TMEM163: variants seen among roughly 807,000 people sequenced by gnomAD.
TMEM163 encodes the protein transmembrane protein 163.
A neutral mutation model predicts 29.3 loss-of-function variants in TMEM163; 17 were observed. That is an observed-to-expected ratio of 0.58 (90% CI 0.40 to 0.87). The LOEUF (loss-of-function observed/expected upper bound fraction) is 0.87, where lower values mean the gene tolerates loss of function less well. TMEM163 is among the 40% of genes least tolerant of loss of function. The probability of loss-of-function intolerance (pLI) is 0.00; values close to 1 mark genes in which losing one functional copy is unlikely to be tolerated. For missense variants in TMEM163, 303 were observed against 381.5 expected, an observed-to-expected ratio of 0.79 and a Z score of 1.71; for synonymous variants, 157 against 160.6, an observed-to-expected ratio of 0.98 and a Z score of 0.17.
chr2:134,614,318 T>C (rs1295478878), intron 2 of TMEM163, among the ~76,000 whole-genome samples: 1 of 152,066 alleles, frequency 6.6e-6, no homozygotes, highest in East Asian at 1.9e-4. Context: ...TAAAATTAAA[T>C]CAAAATGAAA....
At chr2:134,524,842 A>C (rs1680259284) in intron 4 of TMEM163, among the ~76,000 whole-genome samples, 2 of 150,216 alleles carry the variant, frequency 1.3e-5, no homozygotes, top group African/African-American at 4.9e-5. Context: ...ACATGCATGT[A>C]TGTTTATAAT....
At chr2:134,494,947 T>A (rs1679514926) in intron 5 of TMEM163, among the ~76,000 whole-genome samples, 1 of 152,158 alleles carries the variant, frequency 6.6e-6, no homozygotes. Context: ...GCAGCAATCC[T>A]GGGAAACCAT....
chr2:134,481,599 A>G (rs1679185324), intron 5 of TMEM163, among the ~76,000 whole-genome samples: 1 of 152,134 alleles, frequency 6.6e-6, no homozygotes, highest in African/African-American at 2.4e-5. Context: ...AGTCTCCGGT[A>G]TGTCTTTATC....
At chr2:134,538,209 A>C (rs1680582784) in intron 4 of TMEM163, among the ~76,000 whole-genome samples, 1 of 152,154 alleles carries the variant, frequency 6.6e-6, no homozygotes, top group Non-Finnish European at 1.5e-5. Context: ...AGCCCTCATG[A>C]ATGGGATTAG....
intron 2 of TMEM163, among the ~76,000 whole-genome samples, chr2:134,568,637 A>C (rs1681353670): frequency 6.6e-6 from 1 of 151,770 alleles, no homozygotes; most frequent in African/African-American, 2.4e-5. Context: ...AGAAAGAAGA[A>C]AAAGAAAAGG....
At position 134,717,951 on chromosome 2, in the gene TMEM163, G is replaced by A. The variant is rs560031851; in HGVS notation, c.202+783C>T. Among the ~76,000 whole-genome samples, 6 of 152,300 alleles carry A rather than the reference G, an allele frequency of 3.9e-5. No individual in the cohort carries two copies. In the South Asian group the frequency reaches 1.0e-3, roughly 26 times the overall value. On this transcript the variant is annotated intron_variant, in intron 1 of 7. Coordinates refer to ENST00000281924, the MANE Select transcript of TMEM163 (RefSeq NM_030923.5). Reference sequence around the variant, plus strand: ...AGGGGGCATCGGCAGTCGGTGGGAGGCAGAGTGTGGTCTCCCAGCAGAGGC... The same window carrying A: ...AGGGGGCATCGGCAGTCGGTGGGAGACAGAGTGTGGTCTCCCAGCAGAGGC...
intron 2 of TMEM163, among the ~76,000 whole-genome samples, chr2:134,677,367 AG>A (rs746472781): frequency 2.0e-5 from 3 of 152,220 alleles, no homozygotes; most frequent in Non-Finnish European, 4.4e-5. Flanking sequence ...TACAGAAAAA[AG>A]CTTATGCAAT....
intron 2 of TMEM163, among the ~76,000 whole-genome samples, chr2:134,576,176 A>T (rs1198430146): frequency 6.6e-6 from 1 of 152,082 alleles, no homozygotes; most frequent in African/African-American, 2.4e-5. Context: ...GATACAGAGG[A>T]AGAATTGAGG....
At position 134,472,593 on chromosome 2, in the gene TMEM163, GA is replaced by G. The variant is rs537805982; in HGVS notation, c.556-6369del. On this transcript the variant is annotated intron_variant, in intron 5 of 7. Coordinates refer to ENST00000281924, the MANE Select transcript of TMEM163 (RefSeq NM_030923.5). ...CTTTGAGCAAGCCACCCACTTATGT[GA>G]ATTTATCTTACTGCTATACCTGTAC... 6.8e-4 allele frequency among the ~76,000 whole-genome samples: 104 copies of G among 152,294 alleles called. 2 individuals carry two copies. The South Asian group carries it at 0.022, about 32-fold the overall frequency.
At chr2:134,520,400 C>G (rs1223890559) in intron 4 of TMEM163, among the ~76,000 whole-genome samples, 1 of 152,202 alleles carries the variant, frequency 6.6e-6, no homozygotes, top group Admixed American at 6.5e-5. Flanking sequence ...GTCCCCGGAA[C>G]CTGTGTCTGG....
intron 5 of TMEM163, among the ~76,000 whole-genome samples, chr2:134,484,057 C>T (rs1679262078): frequency 6.6e-6 from 1 of 151,804 alleles, no homozygotes; most frequent in Non-Finnish European, 1.5e-5. Context: ...CAGGAGAATC[C>T]CTTGAACCCA....
At chr2:134,713,898 T>C (rs1391629119) in intron 1 of TMEM163, among the ~76,000 whole-genome samples, 1 of 152,228 alleles carries the variant, frequency 6.6e-6, no homozygotes, top group Admixed American at 6.5e-5. Flanking sequence ...GCCCAAATTA[T>C]ATGCCACGTT....
chr2:134,511,531 G>A (rs918749864), intron 4 of TMEM163, among the ~76,000 whole-genome samples: 8 of 152,232 alleles, frequency 5.3e-5, no homozygotes, highest in Non-Finnish European at 1.0e-4. Context: ...TGGAAGCGGG[G>A]AGACCAGGAG....
intron 5 of TMEM163, 66 bp from the exon 6 acceptor site, chr2:134,466,291 T>G (rs1686668169): frequency 7.5e-7 from 1 of 1,341,572 alleles, no homozygotes; most frequent in African/African-American, 1.4e-5. Flanking sequence ...TGCAACCCAC[T>G]TGCCTTACAG....
intron 2 of TMEM163, among the ~76,000 whole-genome samples, chr2:134,612,903 A>G (rs1682536997): frequency 6.6e-6 from 1 of 152,224 alleles, no homozygotes; most frequent in African/African-American, 2.4e-5. Context: ...GCACAGGGAG[A>G]CAGCAGTTAA....
chr2:134,606,916 A>G (rs2104814537), intron 2 of TMEM163, among the ~76,000 whole-genome samples: 1 of 148,086 alleles, frequency 6.8e-6, no homozygotes, highest in East Asian at 1.9e-4. Flanking sequence ...ATGAGGACAG[A>G]CCCCGAGAAC....
At chr2:134,474,247 A>G (rs1218417337) in intron 5 of TMEM163, among the ~76,000 whole-genome samples, 1 of 152,220 alleles carries the variant, frequency 6.6e-6, no homozygotes, top group Non-Finnish European at 1.5e-5. Flanking sequence ...GACAGAACAA[A>G]AAGAAAGCCC....
At chr2:134,612,248 C>T (rs1258738267) in intron 2 of TMEM163, among the ~76,000 whole-genome samples, 1 of 152,182 alleles carries the variant, frequency 6.6e-6, no homozygotes, top group Non-Finnish European at 1.5e-5. Context: ...TTGTTGAAAA[C>T]ATTCAGCAGT....
chr2:134,572,774 G>A (rs1006764250), intron 2 of TMEM163, among the ~76,000 whole-genome samples: 3 of 152,192 alleles, frequency 2.0e-5, no homozygotes, highest in Non-Finnish European at 2.9e-5. Context: ...TTAATGATCT[G>A]AAATGAGCTC....
Sources: gnomAD v4.1 joint callset for allele counts (sites outside exome capture counted in the v4.1 genomes callset) on GRCh38, gnomAD v4.1.1 for gene constraint, MANE v1.5 for transcripts, NCBI Gene and HGNC (gene_info 2026-07-23, HGNC 2026-07-21) for gene names.